The following TXLNB variants were observed in gnomAD, a reference collection of about 807,000 sequenced individuals.
The protein encoded by TXLNB is taxilin beta, also known as beta-taxilin.
Under a neutral mutation model 57.4 loss-of-function variants are expected in TXLNB, and 37 were observed. That is an observed-to-expected ratio of 0.64 (90% confidence interval 0.50 to 0.85). The LOEUF is 0.85. TXLNB is among the 40% of genes least tolerant of loss of function. The probability of loss-of-function intolerance (pLI) is 0.00; values close to 1 mark genes in which losing one functional copy is unlikely to be tolerated. For synonymous variants in TXLNB, 302 were observed against 309.6 expected (o/e 0.98, Z 0.26); for missense variants, 848 against 825.6 (o/e 1.03, Z -0.33).
chr6:139,214,238 T>C, the TXLNB span, among the ~76,000 whole-genome samples: 1 of 152,148 alleles, frequency 6.6e-6, no homozygotes, highest in East Asian at 1.9e-4. Context: ...AATAAAACAC[T>C]GGCAAACTGA....
the TXLNB span, chr6:139,167,369 C>A: frequency 2.8e-6 from 4 of 1,426,212 alleles, no homozygotes; most frequent in Admixed American, 2.0e-5. Context: ...TTGTTAAAAA[C>A]CAAACAACAA....
the TXLNB span, among the ~76,000 whole-genome samples, chr6:139,181,927 T>C: frequency 1.3e-5 from 2 of 152,222 alleles, no homozygotes; most frequent in East Asian, 3.9e-4. Context: ...ATTTTAAAAT[T>C]TGATCTGATT....
Position 139,262,775 on chromosome 6 carries a change from T to A in TXLNB, c.688-2A>T, listed in dbSNP as rs148382160. 14 of 1,611,956 alleles carry A rather than the reference T, an allele frequency of 8.7e-6. No individual in the cohort carries two copies. The African/African-American group carries it at 1.9e-4, about 22-fold the overall frequency. ...ACGTGCCCGCTGAAGCGCCTCTTCC[T>A]GCGGATAAAAAGCAAAACATTTTGT... On this transcript the variant is annotated splice_acceptor_variant, in intron 4 of 9. Coordinates refer to ENST00000358430, the MANE Select transcript of TXLNB (RefSeq NM_153235.4). LOFTEE classifies it high-confidence loss of function.
At chr6:139,227,671 AT>A in the TXLNB span, among the ~76,000 whole-genome samples, 1 of 152,234 alleles carries the variant, frequency 6.6e-6, no homozygotes, top group South Asian at 2.1e-4. Context: ...AAGTTGTGGT[AT>A]ATTCATACTA....
At chr6:139,231,760 A>G in the TXLNB span, among the ~76,000 whole-genome samples, 1 of 152,168 alleles carries the variant, frequency 6.6e-6, no homozygotes, top group Non-Finnish European at 1.5e-5. Context: ...AGGTGAGTTA[A>G]CTGAGGCCCA....
At chr6:139,259,444 GT>G (rs1160059534) in intron 6 of TXLNB, among the ~76,000 whole-genome samples, 3 of 152,156 alleles carry the variant, frequency 2.0e-5, no homozygotes, top group African/African-American at 7.2e-5. Context: ...CACCAAATTG[GT>G]TCCAGCATTA....
At chr6:139,167,623 A>G in the TXLNB span, among the ~76,000 whole-genome samples, 1 of 152,124 alleles carries the variant, frequency 6.6e-6, no homozygotes, top group African/African-American at 2.4e-5. Flanking sequence ...GTTGTTGCAT[A>G]TTTGTCACTT....
chr6:139,167,174 C>T, the TXLNB span: 28 of 1,614,206 alleles, frequency 1.7e-5, no homozygotes, highest in Admixed American at 3.3e-4. Flanking sequence ...TCTGGCCGCG[C>T]TCAGTGCCAG....
At chr6:139,193,812 C>T in the TXLNB span, among the ~76,000 whole-genome samples, 116 of 128,028 alleles carry the variant, frequency 9.1e-4, no homozygotes, top group Middle Eastern at 4.2e-3. Context: ...CACCACCATG[C>T]CTGGCTAATT....
chr6:139,233,171 A>G, the TXLNB span, among the ~76,000 whole-genome samples: 1 of 151,906 alleles, frequency 6.6e-6, no homozygotes, highest in African/African-American at 2.4e-5. Flanking sequence ...CCTAAAAGCC[A>G]AACTAACATA....
At chr6:139,196,415 C>T in the TXLNB span, among the ~76,000 whole-genome samples, 1 of 119,320 alleles carries the variant, frequency 8.4e-6, no homozygotes, top group Non-Finnish European at 1.6e-5. Flanking sequence ...GCTCTTGTTG[C>T]CCAGGCTGGA....
chr6:139,193,825 TATA>T, the TXLNB span, among the ~76,000 whole-genome samples: 6 of 61,054 alleles, frequency 9.8e-5, no homozygotes, highest in African/African-American at 3.2e-4. Flanking sequence ...GGCTAATTTA[TATA>T]TATATATATA....
chr6:139,198,272 T>C, the TXLNB span, among the ~76,000 whole-genome samples: 2 of 151,940 alleles, frequency 1.3e-5, no homozygotes, highest in Non-Finnish European at 2.9e-5. Context: ...TAAATCTATG[T>C]GGAAGTCTTG....
chr6:139,162,585 C>T, the TXLNB span, among the ~76,000 whole-genome samples: 3 of 152,162 alleles, frequency 2.0e-5, no homozygotes, highest in East Asian at 5.8e-4. Context: ...AAGGGGAAAC[C>T]ACGGTGATCA....
At chr6:139,209,829 CT>C in the TXLNB span, among the ~76,000 whole-genome samples, 4 of 152,072 alleles carry the variant, frequency 2.6e-5, no homozygotes, top group African/African-American at 9.7e-5. Flanking sequence ...TGACTAAGAA[CT>C]CAAAAGCAAA....
Position 139,280,299 on chromosome 6 carries a change from C to A in TXLNB, c.425-3378G>T, listed in dbSNP as rs556392811. 3.9e-4 allele frequency among the ~76,000 whole-genome samples: 57 copies of A among 148,016 alleles called. 1 individual carries two copies. Among genetic ancestry groups the A allele is most frequent in the Non-Finnish European group, 6.2e-4 (41 of 66,532 alleles). On this transcript the variant is annotated intron_variant, in intron 2 of 9. Coordinates refer to ENST00000358430, the MANE Select transcript of TXLNB (RefSeq NM_153235.4). ...AAGAAAGAAAGAAAGAAACAAAAAA[C>A]CTGAAATTAAAGGCAACTAAGCCAG...
chr6:139,185,161 G>A, the TXLNB span, among the ~76,000 whole-genome samples: 1 of 152,114 alleles, frequency 6.6e-6, no homozygotes, highest in African/African-American at 2.4e-5. Flanking sequence ...GAGTGGGATA[G>A]TGGGAGTCCT....
the TXLNB span, among the ~76,000 whole-genome samples, chr6:139,304,625 A>G: frequency 2.6e-5 from 4 of 152,220 alleles, no homozygotes; most frequent in Non-Finnish European, 5.9e-5. Flanking sequence ...TGCAAACAAA[A>G]CAGAATAGGC....
the TXLNB span, among the ~76,000 whole-genome samples, chr6:139,301,325 C>G: frequency 1.3e-5 from 2 of 151,978 alleles, no homozygotes; most frequent in African/African-American, 4.8e-5. Context: ...TATAGTGCCA[C>G]CAAATACAAA....
Sources: allele counts gnomAD v4.1 joint callset (sites outside exome capture counted in the v4.1 genomes callset), GRCh38; gene constraint gnomAD v4.1.1; transcripts MANE v1.5; gene names NCBI Gene and HGNC (gene_info 2026-07-23, HGNC 2026-07-21).